The following DPF3 variants were observed in gnomAD, a reference collection of about 807,000 sequenced individuals.
The protein encoded by DPF3 is double PHD fingers 3, also known as zinc finger protein DPF3.
Under a neutral mutation model 56.8 loss-of-function variants are expected in DPF3, and 18 were observed. The ratio of observed to expected loss-of-function variants is 0.32; its 90% CI spans 0.22 to 0.47. DPF3 has a LOEUF of 0.47. Ranked by LOEUF, DPF3 falls within the 20% of genes least tolerant of loss-of-function variation. The pLI is 1.00. For synonymous variants in DPF3, 188 were observed against 180.2 expected (o/e 1.04, Z -0.35); for missense variants, 403 against 488.8 (o/e 0.82, Z 1.65).
intron 1 of DPF3, among the ~76,000 whole-genome samples, chr14:72,810,364 C>T (rs1882984972): frequency 6.6e-6 from 1 of 152,164 alleles, no homozygotes; most frequent in Non-Finnish European, 1.5e-5. Flanking sequence ...GTCCAGGACA[C>T]AGAGGAAGGA....
rs545355128 is a variant in DPF3 at position 72,804,180 on chromosome 14, G to GACACACAC, written c.33-32295_33-32288dup. Among the ~76,000 whole-genome samples, 434 of 133,254 alleles carry GACACACAC rather than the reference G, an allele frequency of 3.3e-3. 3 individuals are homozygous for GACACACAC. Among genetic ancestry groups the GACACACAC allele is most frequent in the African/African-American group, 8.3e-3 (296 of 35,620 alleles). 87.4% of individuals were successfully genotyped at this position (133,254 alleles called of 152,430 possible). A position where few individuals can be genotyped will look rare whatever the true frequency, so the allele number is the denominator to read the frequency against. ...CTCAAGATCCAGCACTGCTTTCCAGGACACACACACACACACACACACACA... is the reference window on the plus strand; with the variant it reads ...CTCAAGATCCAGCACTGCTTTCCAGGACACACACACACACACACACACACACACACACA... On this transcript the variant is annotated intron_variant, in intron 1 of 10. Coordinates refer to ENST00000556509, the MANE Select transcript of DPF3 (RefSeq NM_001280542.3).
chr14:72,847,191 A>ACTTACT (rs1884794360), intron 1 of DPF3, among the ~76,000 whole-genome samples: 1 of 152,080 alleles, frequency 6.6e-6, no homozygotes, highest in African/African-American at 2.4e-5. Flanking sequence ...TTACACTTAC[A>ACTTACT]CTTACTGAGC....
intron 1 of DPF3, among the ~76,000 whole-genome samples, chr14:72,862,207 C>G (rs934063356): frequency 1.6e-4 from 25 of 152,072 alleles, no homozygotes; most frequent in African/African-American, 4.3e-4. Flanking sequence ...GTTCCCTAAC[C>G]CCCCCTGCAT....
intron 9 of DPF3, among the ~76,000 whole-genome samples, chr14:72,626,399 T>G (rs1223751749): frequency 6.6e-6 from 1 of 152,134 alleles, no homozygotes. Flanking sequence ...TAGGTTTTCT[T>G]ATGTCTCTTT....
intron 1 of DPF3, among the ~76,000 whole-genome samples, chr14:72,778,073 G>A (rs527735426): frequency 2.1e-4 from 32 of 152,246 alleles, no homozygotes; most frequent in African/African-American, 6.5e-4. Flanking sequence ...ACACAAAAAG[G>A]CAGCTGTATG....
At chr14:72,884,971 T>TGTATATATATATATATATATATATATATA (rs10523148) in intron 1 of DPF3, among the ~76,000 whole-genome samples, 8 of 111,678 alleles carry the variant, frequency 7.2e-5, no homozygotes, top group Non-Finnish European at 1.3e-4. Flanking sequence ...TATATATATA[T>TGTATATATATATATATATATATATATATA]TAGCCGGGCG....
intron 1 of DPF3, among the ~76,000 whole-genome samples, chr14:72,849,857 C>A (rs1472851430): frequency 6.6e-6 from 1 of 152,174 alleles, no homozygotes; most frequent in African/African-American, 2.4e-5. Flanking sequence ...GTGGCTCATG[C>A]CTGTAATCTC....
chr14:72,612,624 G>T lies in DPF3; in HGVS notation c.*6673C>A, dbSNP rs1343022077. 2 of 518,762 alleles carry T rather than the reference G, an allele frequency of 3.9e-6. No individual in the cohort carries two copies. The highest frequency in any genetic ancestry group is 7.7e-6 in the Non-Finnish European group (2 of 259,850). The allele number at this position is 518,762 out of a possible 1,614,324, so 32.1% of individuals were successfully genotyped here. ...GGGAGAGGGCAGGAGGAGAATCAGG[G>T]TCTCAGTGGGGAGTAGACATGGAAG... is the stretch of plus-strand genomic sequence containing the variant. On this transcript the variant is annotated 3_prime_UTR_variant, in exon 11 of 11. Coordinates refer to ENST00000556509, the MANE Select transcript of DPF3 (RefSeq NM_001280542.3).
chr14:72,811,976 G>A (rs1029614921), intron 1 of DPF3, among the ~76,000 whole-genome samples: 1 of 152,062 alleles, frequency 6.6e-6, no homozygotes, highest in Non-Finnish European at 1.5e-5. Context: ...TTTTCTTTCA[G>A]CCTGTCTTGC....
intron 8 of DPF3, chr14:72,671,217 G>A (rs751189350): frequency 5.3e-5 from 86 of 1,613,758 alleles, no homozygotes; most frequent in Admixed American, 1.8e-4. Flanking sequence ...CTTCCAAATC[G>A]TCCTCATCAA....
intron 1 of DPF3, among the ~76,000 whole-genome samples, chr14:72,855,119 T>TGA (rs1491587814): frequency 1.3e-5 from 2 of 152,182 alleles, no homozygotes; most frequent in African/African-American, 4.8e-5. Flanking sequence ...GAGACCAAAC[T>TGA]GAGAGGCCTA....
chr14:72,746,728 A>T (rs1228782808), intron 3 of DPF3, among the ~76,000 whole-genome samples: 1 of 152,200 alleles, frequency 6.6e-6, no homozygotes, highest in Non-Finnish European at 1.5e-5. Context: ...GACCCTGCCC[A>T]TCCCTGGGGT....
chr14:72,682,718 G>A (rs1351100518), intron 7 of DPF3, among the ~76,000 whole-genome samples: 3 of 152,210 alleles, frequency 2.0e-5, no homozygotes, highest in Non-Finnish European at 2.9e-5. Flanking sequence ...GATTTGGAAG[G>A]AATCAAGAGA....
Position 72,614,907 on chromosome 14 carries a change from A to C in DPF3, c.*4390T>G, listed in dbSNP as rs1883998515. Among the ~76,000 whole-genome samples the C allele has an allele frequency of 4.0e-5, 6 of 150,962 alleles. No homozygotes were observed. The highest frequency in any genetic ancestry group is 4.9e-5 in the African/African-American group (2 of 41,124). On this transcript the variant is annotated 3_prime_UTR_variant, in exon 11 of 11. Transcript: ENST00000556509. ...CACCAGAGATCCTCACCCCTCCCAA[A>C]TGCCCTCCCACCCTCCCTTCCCCAG...
chr14:72,893,005 AAGGAAGGAAG>A (rs1567273806), intron 1 of DPF3, among the ~76,000 whole-genome samples: 5 of 88,320 alleles, frequency 5.7e-5, no homozygotes, highest in African/African-American at 1.7e-4. Context: ...GGAAGGAAGG[AAGGAAGGAAG>A]GAAGGAAGGA....
chr14:72,828,305 G>A (rs1031875634), intron 1 of DPF3, among the ~76,000 whole-genome samples: 1 of 152,154 alleles, frequency 6.6e-6, no homozygotes, highest in African/African-American at 2.4e-5. Flanking sequence ...GCTATGGGGA[G>A]GAGAAGTGAG....
chr14:72,874,311 T>C (rs1322156524), intron 1 of DPF3, among the ~76,000 whole-genome samples: 1 of 151,840 alleles, frequency 6.6e-6, no homozygotes, highest in Non-Finnish European at 1.5e-5. Context: ...ACCCCGTCTC[T>C]ATTAAAAATA....
chr14:72,863,093 T>C (rs1365917486), intron 1 of DPF3, among the ~76,000 whole-genome samples: 1 of 141,754 alleles, frequency 7.1e-6, no homozygotes, highest in African/African-American at 2.7e-5. Context: ...TATATATATA[T>C]ATATATATGT....
chr14:72,773,870 G>T (rs1197349066), intron 1 of DPF3: 1 of 455,468 alleles, frequency 2.2e-6, no homozygotes, highest in Non-Finnish European at 4.4e-6. Flanking sequence ...ATATTCCATT[G>T]TATGCATATA....
Sources: gnomAD v4.1 joint callset for allele counts (sites outside exome capture counted in the v4.1 genomes callset) on GRCh38, gnomAD v4.1.1 for gene constraint, MANE v1.5 for transcripts, NCBI Gene and HGNC (gene_info 2026-07-23, HGNC 2026-07-21) for gene names.